Variants in ZFPM1 observed in about 807,000 individuals in gnomAD.
The protein encoded by ZFPM1 is zinc finger protein, FOG family member 1.
In ZFPM1, 28 loss-of-function variants were observed where a neutral mutation model predicts 46.3. The observed-to-expected ratio is 0.60, with a 90% CI of 0.45 to 0.83. The LOEUF (loss-of-function observed/expected upper bound fraction) is 0.83, where lower values mean the gene tolerates loss of function less well. Among genes scored for constraint, ZFPM1 ranks in the 40% least tolerant of loss-of-function variants. The pLI, the probability that ZFPM1 is intolerant of heterozygous loss-of-function variation, is 0.00. For missense variants in ZFPM1, 1,878 were observed against 1,432.4 expected (o/e 1.31, Z -5.02); for synonymous variants, 957 against 675.9 (o/e 1.42, Z -6.45).
intron 1 of ZFPM1, among the ~76,000 whole-genome samples, chr16:88,462,166 T>TGCTTCCCCA (rs1265559396): frequency 1.3e-5 from 2 of 152,300 alleles, no homozygotes; most frequent in African/African-American, 4.8e-5. Context: ...TGCCTCCGTC[T>TGCTTCCCCA]GCTTCCCCAG....
At chr16:88,485,297 G>A (rs1003310516) in intron 1 of ZFPM1, among the ~76,000 whole-genome samples, 55 of 152,322 alleles carry the variant, frequency 3.6e-4, no homozygotes, top group African/African-American at 1.2e-3. Flanking sequence ...AAAGAGACAC[G>A]GGGTCCGCGG....
At chr16:88,523,020 A>T (rs1912019403) in intron 4 of ZFPM1, among the ~76,000 whole-genome samples, 1 of 152,186 alleles carries the variant, frequency 6.6e-6, no homozygotes, top group African/African-American at 2.4e-5. Flanking sequence ...AGTCTGCCCA[A>T]CATAGTGAAA....
chr16:88,470,014 A>T (rs189418946), intron 1 of ZFPM1, among the ~76,000 whole-genome samples: 64 of 152,268 alleles, frequency 4.2e-4, no homozygotes, highest in African/African-American at 1.4e-3. Flanking sequence ...TAGGTGCTCC[A>T]TAAATACTCC....
chr16:88,517,368 G>T (rs1911398639), intron 4 of ZFPM1, among the ~76,000 whole-genome samples: 1 of 151,178 alleles, frequency 6.6e-6, no homozygotes, highest in African/African-American at 2.4e-5. Context: ...GTGGATAATG[G>T]GTGGATGATG....
intron 3 of ZFPM1, among the ~76,000 whole-genome samples, chr16:88,507,236 G>A (rs1910712858): frequency 2.0e-5 from 3 of 152,276 alleles, no homozygotes; most frequent in East Asian, 3.9e-4. Flanking sequence ...CTCAGGCCTT[G>A]CTTTTCACAG....
chr16:88,529,837 G>T, intron 6 of ZFPM1, among the ~76,000 whole-genome samples: 1 of 152,260 alleles, frequency 6.6e-6, no homozygotes, highest in East Asian at 1.9e-4. Flanking sequence ...TGGCCAGAGG[G>T]GGATGGGCTT....
At chr16:88,459,086 G>GGTGGCTCCTCT (rs1907686948) in intron 1 of ZFPM1, among the ~76,000 whole-genome samples, 1 of 152,310 alleles carries the variant, frequency 6.6e-6, no homozygotes, top group Admixed American at 6.5e-5. Flanking sequence ...TCGAGACTTG[G>GGTGGCTCCTCT]GTGGCTCCTC....
At chr16:88,519,904 T>C (rs766328042) in intron 4 of ZFPM1, among the ~76,000 whole-genome samples, 6 of 148,882 alleles carry the variant, frequency 4.0e-5, no homozygotes, top group Non-Finnish European at 8.9e-5. Flanking sequence ...GGTAGATGGA[T>C]TGACGGCTGG....
intron 4 of ZFPM1, chr16:88,515,984 A>G: frequency 2.5e-6 from 1 of 396,360 alleles, no homozygotes; most frequent in East Asian, 3.6e-5. Context: ...ACCCATAGGT[A>G]GAGACCAAGG....
intron 1 of ZFPM1, among the ~76,000 whole-genome samples, chr16:88,473,461 G>A (rs969334257): frequency 5.3e-5 from 8 of 152,152 alleles, no homozygotes; most frequent in African/African-American, 1.4e-4. Context: ...CTCGAGGGCC[G>A]CAGGGCGGGA....
rs568241525 is a variant in ZFPM1, at chr16:88,536,103, A to C, written c.*1124A>C. On this transcript the variant is annotated 3_prime_UTR_variant, in exon 10 of 10. Coordinates refer to ENST00000319555, the MANE Select transcript of ZFPM1 (RefSeq NM_153813.3). Reference sequence around the variant, plus strand: ...CCTCAGTAGCTGGGGCTACAGGTGTACACCACCATGCCCAGCTAGTTTTTG... The same window carrying C: ...CCTCAGTAGCTGGGGCTACAGGTGTCCACCACCATGCCCAGCTAGTTTTTG... 1 of 152,048 alleles carries C rather than the reference A, an allele frequency of 6.6e-6. No homozygotes were observed. The highest frequency in any genetic ancestry group is 6.5e-5 in the Admixed American group (1 of 15,280). The allele number at this position is 152,048 out of a possible 1,614,324, so 9.4% of individuals were successfully genotyped here. A position where few individuals can be genotyped will look rare whatever the true frequency, so the allele number is the denominator to read the frequency against.
intron 1 of ZFPM1, among the ~76,000 whole-genome samples, chr16:88,461,547 C>T (rs532252484): frequency 6.6e-6 from 1 of 152,298 alleles, no homozygotes; most frequent in East Asian, 1.9e-4. Flanking sequence ...GATGAGAACA[C>T]CTCCTTCCCG....
chr16:88,453,879 C>CG (rs1907410749), intron 1 of ZFPM1, among the ~76,000 whole-genome samples: 1 of 151,776 alleles, frequency 6.6e-6, no homozygotes, highest in Admixed American at 6.6e-5. Context: ...GCTTGGGCAC[C>CG]GGGGGGTTCA....
At chr16:88,520,529 A>AATGGGTGGGTGGCTGAAAGGATGG (rs1567549902) in intron 4 of ZFPM1, among the ~76,000 whole-genome samples, 2 of 124,656 alleles carry the variant, frequency 1.6e-5, no homozygotes, top group African/African-American at 7.2e-5. Flanking sequence ...TGGATGAATG[A>AATGGGTGGGTGGCTGAAAGGATGG]ATGGGTGGGT....
At chr16:88,492,742 G>GGTC (rs1909650025) in intron 3 of ZFPM1, among the ~76,000 whole-genome samples, 1 of 152,280 alleles carries the variant, frequency 6.6e-6, no homozygotes, top group Admixed American at 6.5e-5. Context: ...CTCCACCATG[G>GGTC]GTCCAGCCAG....
At chr16:88,483,367 C>A (rs1465186389) in intron 1 of ZFPM1, among the ~76,000 whole-genome samples, 1 of 152,116 alleles carries the variant, frequency 6.6e-6, no homozygotes, top group African/African-American at 2.4e-5. Flanking sequence ...ACGGCCAGGA[C>A]CCTGCCTGCC....
At chr16:88,478,464 G>A (rs1454380383) in intron 1 of ZFPM1, among the ~76,000 whole-genome samples, 2 of 152,256 alleles carry the variant, frequency 1.3e-5, no homozygotes, top group South Asian at 2.1e-4. Flanking sequence ...CTACACAGCC[G>A]TTCCTGTGTT....
intron 3 of ZFPM1, 136 bp from the exon 4 acceptor site, chr16:88,514,251 C>G: frequency 7.0e-7 from 1 of 1,429,984 alleles, no homozygotes; most frequent in Non-Finnish European, 9.3e-7. Flanking sequence ...GGACCCAGCA[C>G]CTGCCCGGCC....
chr16:88,489,890 C>T (rs2142378968), intron 3 of ZFPM1, among the ~76,000 whole-genome samples: 1 of 152,140 alleles, frequency 6.6e-6, no homozygotes, highest in South Asian at 2.1e-4. Flanking sequence ...GGGGTGGAAT[C>T]CCAGGGCTGC....
Sources: gnomAD v4.1 joint callset for allele counts (sites outside exome capture counted in the v4.1 genomes callset) on GRCh38, gnomAD v4.1.1 for gene constraint, MANE v1.5 for transcripts, NCBI Gene and HGNC (gene_info 2026-07-23, HGNC 2026-07-21) for gene names.